Variants in IQCJ observed in about 807,000 individuals in gnomAD.
IQCJ encodes the protein IQ motif containing J, also known as IQ domain-containing protein J.
Under a neutral mutation model 11.0 loss-of-function variants are expected in IQCJ, and 9 were observed. The observed-to-expected ratio is 0.82, with a 90% CI of 0.49 to 1.43. The LOEUF (loss-of-function observed/expected upper bound fraction) is 1.43. Ranked by LOEUF, IQCJ falls within the 40% of genes most tolerant of loss-of-function variation. The pLI is 0.00. For missense variants in IQCJ, 146 were observed against 133.2 expected, an observed-to-expected ratio of 1.10 and a Z score of -0.47; for synonymous variants, 55 against 51.3, an observed-to-expected ratio of 1.07 and a Z score of -0.31.
chr3:159,254,446 A>G (rs557379966), intron 3 of IQCJ, among the ~76,000 whole-genome samples: 2 of 152,304 alleles, frequency 1.3e-5, no homozygotes, highest in East Asian at 3.9e-4. Context: ...AATGGTTTTT[A>G]TCTCTTCTAA....
intron 1 of IQCJ, among the ~76,000 whole-genome samples, chr3:159,225,238 C>T (rs368771965): frequency 6.6e-6 from 1 of 152,190 alleles, no homozygotes; most frequent in East Asian, 1.9e-4. Flanking sequence ...TTCATACACA[C>T]GAAGTGAATG....
chr3:159,114,627 T>G (rs1182345942), intron 1 of IQCJ, among the ~76,000 whole-genome samples: 1 of 152,090 alleles, frequency 6.6e-6, no homozygotes, highest in African/African-American at 2.4e-5. Flanking sequence ...AGGTTTTAAG[T>G]GGTCTCTTTG....
At chr3:159,077,805 TA>T (rs949844538) in intron 1 of IQCJ, among the ~76,000 whole-genome samples, 9 of 152,058 alleles carry the variant, frequency 5.9e-5, no homozygotes, top group South Asian at 2.1e-4. Flanking sequence ...TTTTACAACT[TA>T]AAAAAAGTTA....
intron 1 of IQCJ, among the ~76,000 whole-genome samples, chr3:159,132,808 C>A (rs1209947629): frequency 6.6e-6 from 1 of 152,130 alleles, no homozygotes; most frequent in African/African-American, 2.4e-5. Context: ...GTTACCATTT[C>A]CATTGACTGT....
intron 1 of IQCJ, among the ~76,000 whole-genome samples, chr3:159,078,791 C>A (rs1186204742): frequency 6.6e-6 from 1 of 151,952 alleles, no homozygotes; most frequent in Non-Finnish European, 1.5e-5. Flanking sequence ...TGCCTCTAGT[C>A]CTTACTAGCC....
chr3:159,131,098 G>C (rs1221682517), intron 1 of IQCJ, among the ~76,000 whole-genome samples: 3 of 152,198 alleles, frequency 2.0e-5, no homozygotes, highest in Admixed American at 6.5e-5. Flanking sequence ...GGTACCACAA[G>C]AGCAGCATGG....
intron 1 of IQCJ, among the ~76,000 whole-genome samples, chr3:159,132,355 A>G (rs1720040117): frequency 6.6e-6 from 1 of 152,210 alleles, no homozygotes; most frequent in Admixed American, 6.5e-5. Context: ...ATATCCAGGC[A>G]TGGATTAAGA....
chr3:159,102,500 G>T (rs1717997976), intron 1 of IQCJ, among the ~76,000 whole-genome samples: 1 of 152,140 alleles, frequency 6.6e-6, no homozygotes, highest in Non-Finnish European at 1.5e-5. Flanking sequence ...GGCTCTGATT[G>T]GGAAAGGTAG....
At position 159,195,209 on chromosome 3, in the gene IQCJ, A is replaced by G. The variant is rs145987504; in HGVS notation, c.10-50634A>G. ...TACTCCTTGATCCAGCACCCTGAGG[A>G]TCCAGTCCTACATACTGTGCTGACT... On this transcript the variant is annotated intron_variant, in intron 1 of 3. Coordinates refer to ENST00000397832, the MANE Select transcript of IQCJ (RefSeq NM_001042706.3). Among the ~76,000 whole-genome samples the G allele has an allele frequency of 3.1e-3, 473 of 152,148 alleles. 1 individual carries two copies. Among genetic ancestry groups the G allele is most frequent in the African/African-American group, 0.011 (449 of 41,510 alleles).
rs543411742 is a variant in IQCJ, at chr3:159,071,016, A to G, written c.9+1575A>G. Among the ~76,000 whole-genome samples the G allele has an allele frequency of 1.1e-3, 172 of 152,146 alleles. 1 individual carries two copies. The highest frequency in any genetic ancestry group is 3.4e-3 in the Middle Eastern group (1 of 294). ...ATTGTAAACTTCAGTAAAATAGTTG[A>G]CTGAGTTGTAACAATAAAAATGAAT... On this transcript the variant is annotated intron_variant, in intron 1 of 3. Transcript: ENST00000397832.
intron 1 of IQCJ, among the ~76,000 whole-genome samples, chr3:159,110,854 A>G (rs7615992): frequency 0.79 from 120,325 of 152,214 alleles, 47,730 homozygotes; most frequent in African/African-American, 0.85. Context: ...GTTGAGATCC[A>G]TTATGCTTAA....
intron 2 of IQCJ, among the ~76,000 whole-genome samples, chr3:159,246,411 T>G (rs1486961805): frequency 6.6e-6 from 1 of 152,224 alleles, no homozygotes; most frequent in East Asian, 1.9e-4. Flanking sequence ...CAAATTCTGA[T>G]TATAGCCTTT....
At chr3:159,239,107 A>G (rs2108175122) in intron 1 of IQCJ, among the ~76,000 whole-genome samples, 1 of 152,320 alleles carries the variant, frequency 6.6e-6, no homozygotes, top group Non-Finnish European at 1.5e-5. Context: ...TGAAACTATG[A>G]GTGAAGATCT....
chr3:159,128,630 CT>C (rs1416992260), intron 1 of IQCJ, among the ~76,000 whole-genome samples: 1 of 152,162 alleles, frequency 6.6e-6, no homozygotes, highest in Non-Finnish European at 1.5e-5. Context: ...TGTGTGGACT[CT>C]GTCAGCCTCT....
chr3:159,217,322 G>T (rs554368990), intron 1 of IQCJ, among the ~76,000 whole-genome samples: 1 of 152,198 alleles, frequency 6.6e-6, no homozygotes, highest in African/African-American at 2.4e-5. Flanking sequence ...TGACTGAGTT[G>T]TCATCCAGAT....
chr3:159,195,857 A>C (rs1299497120), intron 1 of IQCJ, among the ~76,000 whole-genome samples: 2 of 152,210 alleles, frequency 1.3e-5, no homozygotes, highest in African/African-American at 4.8e-5. Flanking sequence ...GACACCAATA[A>C]TATCTCAGTA....
intron 1 of IQCJ, among the ~76,000 whole-genome samples, chr3:159,191,881 A>G (rs1344114879): frequency 6.6e-6 from 1 of 152,212 alleles, no homozygotes; most frequent in Admixed American, 6.5e-5. Flanking sequence ...ATTAGGGACT[A>G]TATAGAAATC....
At chr3:159,203,574 A>G (rs1449016) in intron 1 of IQCJ, among the ~76,000 whole-genome samples, 33,103 of 151,896 alleles carry the variant, frequency 0.22, 3,914 homozygotes, top group South Asian at 0.37. Context: ...AGGTAGCCTC[A>G]TAGTCTCCAC....
intron 1 of IQCJ, among the ~76,000 whole-genome samples, chr3:159,189,658 C>T (rs1053509540): frequency 3.3e-5 from 5 of 152,024 alleles, no homozygotes; most frequent in East Asian, 3.9e-4. Context: ...TGCCAAAGAA[C>T]ATTGGTGTTT....
Sources: allele counts gnomAD v4.1 joint callset (sites outside exome capture counted in the v4.1 genomes callset), GRCh38; gene constraint gnomAD v4.1.1; transcripts MANE v1.5; gene names NCBI Gene and HGNC (gene_info 2026-07-23, HGNC 2026-07-21).